The following PAPPA2 variants were observed in gnomAD, a reference collection of about 807,000 sequenced individuals.
The protein encoded by PAPPA2 is pappalysin 2.
In PAPPA2, 86 loss-of-function variants were observed where a neutral mutation model predicts 176.4. That is an observed-to-expected ratio of 0.49 (90% CI 0.41 to 0.58). The LOEUF is 0.58. Ranked by LOEUF, PAPPA2 falls within the 20% of genes least tolerant of loss-of-function variation. The pLI, the probability that PAPPA2 is intolerant of heterozygous loss-of-function variation, is 0.00. For missense variants in PAPPA2, 2,073 were observed against 2,256.9 expected (o/e 0.92, Z 1.65); for synonymous variants, 809 against 852.2 (o/e 0.95, Z 0.88).
At chr1:176,722,579 T>C (rs746799973) in intron 12 of PAPPA2, among the ~76,000 whole-genome samples, 2 of 152,152 alleles carry the variant, frequency 1.3e-5, no homozygotes, top group Non-Finnish European at 2.9e-5. Context: ...CTTAGTTTTT[T>C]GGACTCTCTA....
chr1:176,680,430 A>G (rs1345886407), intron 4 of PAPPA2, among the ~76,000 whole-genome samples: 4 of 107,638 alleles, frequency 3.7e-5, no homozygotes, highest in South Asian at 6.6e-4. Context: ...TCAGCTAAAA[A>G]CTTGAATACA....
At chr1:176,616,533 T>A (rs987199925) in intron 3 of PAPPA2, 1 of 1,295,276 alleles carries the variant, frequency 7.7e-7, no homozygotes, top group African/African-American at 1.5e-5. Context: ...TTTTACAAAA[T>A]GTAACCAATC....
At chr1:176,798,650 A>C (rs183128877) in intron 20 of PAPPA2, among the ~76,000 whole-genome samples, 1 of 152,360 alleles carries the variant, frequency 6.6e-6, no homozygotes, top group Non-Finnish European at 1.5e-5. Flanking sequence ...TCTAGTTAAC[A>C]GAATTACTGT....
intron 1 of PAPPA2, among the ~76,000 whole-genome samples, chr1:176,548,384 C>T (rs1349339456): frequency 1.3e-5 from 2 of 152,224 alleles, no homozygotes; most frequent in South Asian, 4.2e-4. Flanking sequence ...GGAAGTGGGA[C>T]TTTCCCTAAC....
chr1:176,554,392 A>T (rs1429295936), intron 1 of PAPPA2, among the ~76,000 whole-genome samples: 2 of 152,208 alleles, frequency 1.3e-5, no homozygotes, highest in Non-Finnish European at 2.9e-5. Flanking sequence ...CTGTGGTCAG[A>T]TATCCTTACT....
rs970219899 is a variant in PAPPA2, at chr1:176,692,199, G to A, written c.2505G>A (p.Gln835=). The change falls in exon 6 of 23, where the codon CAG becomes CAA. Residue 835 remains glutamine (Q), a synonymous_variant. Coordinates refer to ENST00000367662, the MANE Select transcript of PAPPA2 (RefSeq NM_020318.3). ...ATTGCTATTTGGACCTAGTCTATCA[G>A]CAGTGGACTGAAAGCAGAAAGCCCA... ...RMHCYLDLVY[Q]QWTESRKPTP... 1.2e-6 allele frequency: 2 copies of A among 1,614,052 alleles called. No homozygotes were observed. The highest frequency in any genetic ancestry group is 8.5e-7 in the Non-Finnish European group (1 of 1,179,958).
At chr1:176,813,291 C>A (rs1666247220) in intron 21 of PAPPA2, among the ~76,000 whole-genome samples, 1 of 151,888 alleles carries the variant, frequency 6.6e-6, no homozygotes, top group Non-Finnish European at 1.5e-5. Flanking sequence ...ACATATTTTT[C>A]TGGATATATA....
chr1:176,756,990 G>T (rs951181140), intron 14 of PAPPA2, among the ~76,000 whole-genome samples: 1 of 152,194 alleles, frequency 6.6e-6, no homozygotes, highest in Admixed American at 6.5e-5. Context: ...ATTTTGCTGA[G>T]AATGATGGTT....
chr1:176,652,668 C>T (rs1657797504), intron 3 of PAPPA2, among the ~76,000 whole-genome samples: 1 of 151,710 alleles, frequency 6.6e-6, no homozygotes, highest in Non-Finnish European at 1.5e-5. Context: ...TGGCTGTTCT[C>T]AGGGATGTTT....
At chr1:176,471,070 C>A (rs1412285214) in intron 1 of PAPPA2, among the ~76,000 whole-genome samples, 1 of 152,092 alleles carries the variant, frequency 6.6e-6, no homozygotes, top group Non-Finnish European at 1.5e-5. Flanking sequence ...GAGTGGGATT[C>A]ATGCCTTAAA....
intron 3 of PAPPA2, among the ~76,000 whole-genome samples, chr1:176,669,875 T>G (rs926390857): frequency 1.3e-5 from 2 of 152,162 alleles, no homozygotes; most frequent in Non-Finnish European, 2.9e-5. Flanking sequence ...AACATGAGCT[T>G]CTAGGGTGGT....
intron 3 of PAPPA2, among the ~76,000 whole-genome samples, chr1:176,619,198 A>C (rs913392450): frequency 6.6e-6 from 1 of 152,218 alleles, no homozygotes; most frequent in African/African-American, 2.4e-5. Flanking sequence ...ACAATATCCC[A>C]TTAGTACCAT....
At chr1:176,697,876 C>G (rs780341916) in intron 7 of PAPPA2, among the ~76,000 whole-genome samples, 2 of 152,124 alleles carry the variant, frequency 1.3e-5, no homozygotes, top group Non-Finnish European at 2.9e-5. Context: ...TAGATTAGTT[C>G]TTGGTGTAAA....
intron 1 of PAPPA2, among the ~76,000 whole-genome samples, chr1:176,496,600 C>T (rs1267056619): frequency 1.3e-5 from 2 of 152,086 alleles, no homozygotes; most frequent in East Asian, 3.9e-4. Context: ...CTTACTTTGT[C>T]CTCCTACACT....
intron 2 of PAPPA2, among the ~76,000 whole-genome samples, chr1:176,558,506 C>A (rs558150637): frequency 3.3e-5 from 5 of 152,156 alleles, no homozygotes; most frequent in Admixed American, 6.5e-5. Flanking sequence ...CCTTCGGAAG[C>A]TGGGATTCCC....
At chr1:176,730,223 G>A (rs61823020) in intron 12 of PAPPA2, among the ~76,000 whole-genome samples, 17,013 of 151,796 alleles carry the variant, frequency 0.11, 1,063 homozygotes, top group South Asian at 0.18. Context: ...ATTTGGCAGA[G>A]CCTACCTGTA....
intron 1 of PAPPA2, among the ~76,000 whole-genome samples, chr1:176,542,477 A>G (rs1182490642): frequency 9.9e-5 from 15 of 152,218 alleles, no homozygotes; most frequent in Admixed American, 9.2e-4. Flanking sequence ...GTTCTTTGTT[A>G]CAGGCTGTCA....
intron 4 of PAPPA2, among the ~76,000 whole-genome samples, chr1:176,681,548 T>C (rs1659586758): frequency 6.6e-6 from 1 of 152,144 alleles, no homozygotes; most frequent in East Asian, 1.9e-4. Context: ...TTTCCTCATA[T>C]GTAAAATGGG....
intron 12 of PAPPA2, among the ~76,000 whole-genome samples, chr1:176,714,678 A>G (rs1307489086): frequency 6.6e-5 from 10 of 152,240 alleles, no homozygotes; most frequent in Admixed American, 6.5e-4. Context: ...GATACTGTGG[A>G]TAGCAATAGG....
Sources: gnomAD v4.1 joint callset for allele counts (sites outside exome capture counted in the v4.1 genomes callset) on GRCh38, gnomAD v4.1.1 for gene constraint, MANE v1.5 for transcripts, NCBI Gene and HGNC (gene_info 2026-07-23, HGNC 2026-07-21) for gene names.